The following PRDM6 variants were observed in gnomAD, a reference collection of about 807,000 sequenced individuals.
PRDM6 encodes PR/SET domain 6.
PRDM6 carries 25 observed loss-of-function variants against 60.8 expected under a neutral mutation model. The observed-to-expected ratio is 0.41, with a 90% confidence interval of 0.30 to 0.57. The LOEUF (loss-of-function observed/expected upper bound fraction) is 0.57, where lower values mean the gene tolerates loss of function less well. Among genes scored for constraint, PRDM6 ranks in the 20% least tolerant of loss-of-function variants. The pLI is 0.27. For missense variants in PRDM6, 839 were observed against 821.3 expected (o/e 1.02, Z -0.26); for synonymous variants, 407 against 357.4 (o/e 1.14, Z -1.57).
intron 3 of PRDM6, among the ~76,000 whole-genome samples, chr5:123,103,692 T>TA (rs1459191586): frequency 6.6e-6 from 1 of 152,014 alleles, no homozygotes; most frequent in Non-Finnish European, 1.5e-5. Flanking sequence ...CTGCTTAACA[T>TA]CAGAATTTAA....
intron 3 of PRDM6, among the ~76,000 whole-genome samples, chr5:123,142,308 C>CTTCAA (rs10683557): frequency 1.6e-4 from 2 of 12,524 alleles, no homozygotes; most frequent in East Asian, 1.3e-3. Flanking sequence ...AAAGCCCATG[C>CTTCAA]AATGGAGCAC....
intron 4 of PRDM6, among the ~76,000 whole-genome samples, chr5:123,158,357 A>T (rs1212012864): frequency 6.6e-6 from 1 of 152,176 alleles, no homozygotes; most frequent in African/African-American, 2.4e-5. Context: ...GAGCTCTTGG[A>T]GATGCAGAGG....
chr5:123,181,630 G>C (rs1766164372), intron 7 of PRDM6, among the ~76,000 whole-genome samples: 1 of 152,140 alleles, frequency 6.6e-6, no homozygotes, highest in Non-Finnish European at 1.5e-5. Context: ...AGAGCATAGA[G>C]TTACCGCCTT....
chr5:123,099,209 A>T lies in PRDM6; in HGVS notation c.593-445A>T, dbSNP rs1028953592. Among the ~76,000 whole-genome samples the T allele has an allele frequency of 2.6e-5, 4 of 152,192 alleles. No individual in the cohort carries two copies. The highest frequency in any genetic ancestry group is 9.6e-5 in the African/African-American group (4 of 41,452). ...GGCTTTTTTTCGCAATACAAGGATA[A>T]ACACATCCTGAAACTCCAGATAGAA... On this transcript the variant is annotated intron_variant, in intron 2 of 7. Coordinates refer to ENST00000407847, the MANE Select transcript of PRDM6 (RefSeq NM_001136239.4). The surrounding 1 kb of genome is among the most constrained non-coding windows in gnomAD (Gnocchi z 4.0).
intron 4 of PRDM6, among the ~76,000 whole-genome samples, chr5:123,156,537 C>T (rs576154499): frequency 6.6e-6 from 1 of 152,286 alleles, no homozygotes; most frequent in African/African-American, 2.4e-5. Context: ...CTCTCCTGCT[C>T]CGTCTAAAGG....
chr5:123,191,029 G>C lies in PRDM6; in HGVS notation c.*3828G>C, dbSNP rs1331382422. The C allele has an allele frequency of 3.3e-5, 5 of 152,246 alleles. No homozygotes were observed. In the East Asian group the frequency reaches 9.6e-4, roughly 29 times the overall value. 9.4% of individuals were successfully genotyped at this position (152,246 alleles called of 1,614,324 possible). A position where few individuals can be genotyped will look rare whatever the true frequency, so the allele number is the denominator to read the frequency against. ...CTTGGTTGTCTTTGCTTAACTCACT[G>C]GGCTATTGGTTGTTAGCAGCAGTAT... On this transcript the variant is annotated 3_prime_UTR_variant, in exon 8 of 8. Transcript: ENST00000407847.
At chr5:123,110,327 C>T (rs757294704) in intron 3 of PRDM6, among the ~76,000 whole-genome samples, 4 of 146,836 alleles carry the variant, frequency 2.7e-5, no homozygotes, top group Non-Finnish European at 5.9e-5. Context: ...GGCACAATCC[C>T]GGCTCACTGC....
intron 6 of PRDM6, chr5:123,173,396 G>T (rs1765939841): frequency 6.0e-6 from 1 of 166,930 alleles, no homozygotes; most frequent in Non-Finnish European, 1.5e-5. Context: ...AAATCTAGGC[G>T]GCATGAGACT....
rs1173625460 is a variant in PRDM6, at chr5:123,190,315, C to A, written c.*3114C>A. The stretch of plus-strand genomic sequence containing the variant: ...ATAGGATGAGAGATGGAGCTGCAGA[C>A]CTTTGCATTTCTAGAAAAATCTCAA... On this transcript the variant is annotated 3_prime_UTR_variant, in exon 8 of 8. Transcript: ENST00000407847. The A allele has an allele frequency of 6.6e-6, 1 of 152,154 alleles. No individual in the cohort carries two copies. The highest frequency in any genetic ancestry group is 1.5e-5 in the Non-Finnish European group (1 of 68,012). 9.4% of individuals were successfully genotyped at this position (152,154 alleles called of 1,614,324 possible). A position where few individuals can be genotyped will look rare whatever the true frequency, so the allele number is the denominator to read the frequency against.
chr5:123,098,219 C>T (rs1163688146), intron 2 of PRDM6, among the ~76,000 whole-genome samples: 2 of 152,252 alleles, frequency 1.3e-5, no homozygotes, highest in Admixed American at 6.5e-5. Flanking sequence ...CCCGGGTGCC[C>T]CGAGGGCCAC....
At chr5:123,139,209 A>C (rs1034204937) in intron 3 of PRDM6, among the ~76,000 whole-genome samples, 2 of 152,226 alleles carry the variant, frequency 1.3e-5, no homozygotes, top group African/African-American at 4.8e-5. Context: ...TCTTTATAGC[A>C]GCGTGAAAAC....
intron 3 of PRDM6, among the ~76,000 whole-genome samples, chr5:123,125,453 A>G (rs1257713091): frequency 6.6e-6 from 1 of 152,240 alleles, no homozygotes; most frequent in Non-Finnish European, 1.5e-5. Flanking sequence ...ATGGCCATGC[A>G]TCAAGCTGCG....
At chr5:123,161,882 G>C (rs945696118) in intron 5 of PRDM6, among the ~76,000 whole-genome samples, 8 of 152,232 alleles carry the variant, frequency 5.3e-5, no homozygotes, top group Non-Finnish European at 1.0e-4. Flanking sequence ...AGACTGGACA[G>C]GGGGAAGAGC....
rs1766017667 is a variant in PRDM6 at position 123,176,594 on chromosome 5, C to G, written c.1497-3553C>G. On this transcript the variant is annotated intron_variant, in intron 6 of 7. Coordinates refer to ENST00000407847, the MANE Select transcript of PRDM6 (RefSeq NM_001136239.4). ...GGCATGGTGGCACGTGCCTGTAGTC[C>G]CAGCTACTCAGGAGGCTGAGAGGTG... is the stretch of plus-strand genomic sequence containing the variant. Among the ~76,000 whole-genome samples the G allele has an allele frequency of 4.6e-5, 7 of 152,022 alleles. No homozygotes were observed. In the South Asian group the frequency reaches 1.5e-3, roughly 32 times the overall value.
At chr5:123,176,593 C>T (rs1385872078) in intron 6 of PRDM6, among the ~76,000 whole-genome samples, 1 of 152,056 alleles carries the variant, frequency 6.6e-6, no homozygotes, top group Non-Finnish European at 1.5e-5. Context: ...TGCCTGTAGT[C>T]CCAGCTACTC....
chr5:123,129,036 C>T (rs1299744222), intron 3 of PRDM6, among the ~76,000 whole-genome samples: 1 of 152,134 alleles, frequency 6.6e-6, no homozygotes, highest in African/African-American at 2.4e-5. Flanking sequence ...TTCCCCATTT[C>T]TTATTTTTGT....
At chr5:123,119,989 T>TA (rs911164924) in intron 3 of PRDM6, among the ~76,000 whole-genome samples, 3 of 152,302 alleles carry the variant, frequency 2.0e-5, no homozygotes, top group South Asian at 4.1e-4. Flanking sequence ...TTCATTCCAT[T>TA]AAAAAAAGTT....
intron 3 of PRDM6, among the ~76,000 whole-genome samples, chr5:123,154,601 C>T (rs964802447): frequency 4.6e-5 from 7 of 152,132 alleles, no homozygotes; most frequent in Non-Finnish European, 8.8e-5. Flanking sequence ...CCCGTTTGCA[C>T]CCCCTCCCCC....
At chr5:123,182,427 T>A (rs537130957) in intron 7 of PRDM6, among the ~76,000 whole-genome samples, 3 of 152,178 alleles carry the variant, frequency 2.0e-5, no homozygotes, top group African/African-American at 7.2e-5. Context: ...GTGCCAGGAG[T>A]CAGATTGATT....
Sources: gnomAD v4.1 joint callset for allele counts (sites outside exome capture counted in the v4.1 genomes callset) on GRCh38, gnomAD v4.1.1 for gene constraint, Gnocchi (gnomAD v3.1) non-coding constraint, MANE v1.5 for transcripts, NCBI Gene and HGNC (gene_info 2026-07-23, HGNC 2026-07-21) for gene names.